ING4: variants seen among roughly 807,000 people sequenced by gnomAD.
ING4 encodes the protein inhibitor of growth family member 4.
A neutral mutation model predicts 33.1 loss-of-function variants in ING4; 28 were observed. The ratio of observed to expected loss-of-function variants is 0.85; its 90% CI spans 0.63 to 1.16. The LOEUF (loss-of-function observed/expected upper bound fraction) is 1.16. Ranked by LOEUF, ING4 falls within the 50% of genes most tolerant of loss-of-function variation. The pLI is 0.00. For missense variants in ING4, 247 were observed against 314.7 expected, an observed-to-expected ratio of 0.78 and a Z score of 1.63; for synonymous variants, 87 against 104.4, an observed-to-expected ratio of 0.83 and a Z score of 1.02.
chr12:6,658,792 C>T (rs1312339452), intron 1 of ING4, among the ~76,000 whole-genome samples: 2 of 152,214 alleles, frequency 1.3e-5, no homozygotes, highest in Non-Finnish European at 2.9e-5. Flanking sequence ...TGAAGATGTT[C>T]TGCGCTTTCT....
At chr12:6,659,672 C>G (rs1212370570) in intron 1 of ING4, among the ~76,000 whole-genome samples, 2 of 151,090 alleles carry the variant, frequency 1.3e-5, no homozygotes, top group East Asian at 3.9e-4. Flanking sequence ...AATTAGCTGG[C>G]CGTGGTGGCG....
chr12:6,657,438 G>A (rs1021545123), intron 1 of ING4, among the ~76,000 whole-genome samples: 1 of 151,912 alleles, frequency 6.6e-6, no homozygotes, highest in African/African-American at 2.4e-5. Context: ...GACACAGTGA[G>A]ACTCCATCTC....
intron 2 of ING4, chr12:6,655,995 A>C (rs966381158): frequency 2.2e-6 from 1 of 447,934 alleles, no homozygotes. Flanking sequence ...TTCTCTTTTT[A>C]AGGACTTCTC....
intron 1 of ING4, among the ~76,000 whole-genome samples, chr12:6,658,853 G>T (rs907994987): frequency 2.6e-5 from 4 of 152,152 alleles, no homozygotes; most frequent in Admixed American, 2.0e-4. Context: ...CTCCCTTTGT[G>T]CTCTGCTTTG....
At position 6,653,377 on chromosome 12, in the gene ING4, G is replaced by T; in HGVS notation, c.129C>A (p.Asp43Glu). 2 of 1,614,098 alleles carry T rather than the reference G, an allele frequency of 1.2e-6. No individual in the cohort carries two copies. The highest frequency in any genetic ancestry group is 1.7e-6 in the Non-Finnish European group (2 of 1,180,012). Residue 43 changes from aspartate (D) to glutamate (E), a missense_variant, in exon 3 of 8, where the codon GAC becomes GAA. By Grantham distance (45) the Asp-to-Glu change is conservative. Coordinates refer to ENST00000341550, the MANE Select transcript of ING4 (RefSeq NM_016162.4). ...TACTCATATACTCAGTGGCCAACTT[G>T]TCAATTTCAGCCTTCAGGTCTACAA... ...QRTEDLKAEI[D>E]KLATEYMSSA...
chr12:6,653,622 G>A (rs779451017), intron 2 of ING4, among the ~76,000 whole-genome samples: 18 of 152,164 alleles, frequency 1.2e-4, no homozygotes, highest in Non-Finnish European at 2.2e-4. Context: ...ATCATAGTTG[G>A]AATTTAAATT....
chr12:6,651,628 G>A (rs1320961151), intron 6 of ING4, among the ~76,000 whole-genome samples: 3 of 152,054 alleles, frequency 2.0e-5, no homozygotes, highest in East Asian at 3.8e-4. Context: ...TGCAACCCCC[G>A]CCTCCCGAGT....
At chr12:6,657,392 T>C (rs1315259733) in intron 1 of ING4, among the ~76,000 whole-genome samples, 1 of 151,900 alleles carries the variant, frequency 6.6e-6, no homozygotes, top group Non-Finnish European at 1.5e-5. Context: ...GAGTTTGCAG[T>C]GAGCCGAGAT....
intron 1 of ING4, among the ~76,000 whole-genome samples, chr12:6,661,066 T>C (rs1949531592): frequency 6.6e-6 from 1 of 151,758 alleles, no homozygotes; most frequent in African/African-American, 2.4e-5. Context: ...TGTGCTAGGA[T>C]TATAGGCGTG....
Position 6,663,045 on chromosome 12 carries a change from C to G in ING4, c.37+20G>C. On this transcript the variant is annotated intron_variant, in intron 1 of 7. Coordinates refer to ENST00000341550, the MANE Select transcript of ING4 (RefSeq NM_016162.4). Reference sequence around the variant, plus strand: ...CGCACCACTCTGCAGCCCCGACCCCCACCTCCAGCCTGCTCTTACTGTCCA... The same window carrying G: ...CGCACCACTCTGCAGCCCCGACCCCGACCTCCAGCCTGCTCTTACTGTCCA... The G allele has an allele frequency of 6.2e-7, 1 of 1,613,614 alleles. No homozygotes were observed. The highest frequency in any genetic ancestry group is 1.7e-5 in the Admixed American group (1 of 59,980).
intron 1 of ING4, among the ~76,000 whole-genome samples, chr12:6,658,076 C>T (rs1403494259): frequency 6.6e-6 from 1 of 151,784 alleles, no homozygotes; most frequent in Admixed American, 6.6e-5. Context: ...TCTCCTGCCT[C>T]AGCCTCTGGA....
At position 6,651,176 on chromosome 12, in the gene ING4, T is replaced by C; in HGVS notation, c.*19A>G. ...TCAGGGGATGTGGAAGAAACTGTGT[T>C]GGAATCCAAGGCCCTTATCTATTTC... On this transcript the variant is annotated 3_prime_UTR_variant, in exon 8 of 8. Coordinates refer to ENST00000341550, the MANE Select transcript of ING4 (RefSeq NM_016162.4). The C allele has an allele frequency of 3.7e-6, 6 of 1,614,034 alleles. No individual in the cohort carries two copies. Among genetic ancestry groups the C allele is most frequent in the Non-Finnish European group, 5.1e-6 (6 of 1,179,864 alleles).
intron 1 of ING4, 126 bp from the exon 2 acceptor site, chr12:6,656,924 G>C (rs2136275218): frequency 5.4e-6 from 3 of 559,050 alleles, no homozygotes; most frequent in East Asian, 3.2e-5. Context: ...GAGGCCAAGG[G>C]GGTGGATCAC....
chr12:6,652,899 C>A (rs1443717153), intron 4 of ING4, 37 bp downstream of exon 4: 7 of 1,583,072 alleles, frequency 4.4e-6, no homozygotes, highest in South Asian at 1.1e-5. Context: ...CCCTTTCAGT[C>A]CTCGCCCCAC....
rs1178279479 is a variant in ING4, at chr12:6,655,464, T to C, written c.109+1263A>G. 2.6e-5 allele frequency among the ~76,000 whole-genome samples: 4 copies of C among 152,250 alleles called. No homozygotes were observed. In the East Asian group the frequency reaches 5.8e-4, roughly 22 times the overall value. On this transcript the variant is annotated intron_variant, in intron 2 of 7. Coordinates refer to ENST00000341550, the MANE Select transcript of ING4 (RefSeq NM_016162.4). ...GTAAGAGACAAGTCTGACTCTAACATAGTGCAGCAACAGATAACCAGGAGG... is the reference window on the plus strand; with the variant it reads ...GTAAGAGACAAGTCTGACTCTAACACAGTGCAGCAACAGATAACCAGGAGG...
intron 1 of ING4, among the ~76,000 whole-genome samples, chr12:6,660,815 CTTTCT>C (rs149019207): frequency 0.047 from 7,152 of 152,104 alleles, 201 homozygotes; most frequent in Middle Eastern, 0.085. Context: ...CGCTGAGTAA[CTTTCT>C]TTTCTTTTCT....
rs1440563952 is a variant in ING4 at position 6,653,290 on chromosome 12, A to G, written c.216T>C (p.Tyr72=). Residue 72 remains tyrosine (Y), a synonymous_variant, in exon 3 of 8, where the codon TAT becomes TAC. Transcript: ENST00000341550. ...LALLKQIQEA[Y]GKCKEFGDDK... The stretch of plus-strand genomic sequence containing the variant: ...CGTCACCAAATTCCTTGCACTTGCC[A>G]TAGGCTTCCTGGATCTGTTTGAGAA... 1 of 1,614,044 alleles carries G rather than the reference A, an allele frequency of 6.2e-7. No individual in the cohort carries two copies. The highest frequency in any genetic ancestry group is 8.5e-7 in the Non-Finnish European group (1 of 1,180,054).
chr12:6,654,194 T>C (rs1949275795), intron 2 of ING4, among the ~76,000 whole-genome samples: 1 of 152,202 alleles, frequency 6.6e-6, no homozygotes, highest in Non-Finnish European at 1.5e-5. Context: ...TTGCCTAGGC[T>C]GACCTCCAAC....
chr12:6,652,895 C>T, intron 4 of ING4, 41 bp downstream of exon 4: 2 of 1,577,068 alleles, frequency 1.3e-6, no homozygotes, highest in Non-Finnish European at 1.7e-6. Context: ...TTCTCCCTTT[C>T]AGTCCTCGCC....
Sources: gnomAD v4.1 joint callset for allele counts (sites outside exome capture counted in the v4.1 genomes callset) on GRCh38, gnomAD v4.1.1 for gene constraint, MANE v1.5 for transcripts, NCBI Gene and HGNC (gene_info 2026-07-23, HGNC 2026-07-21) for gene names.